The following CNTNAP5 variants were observed in gnomAD, a reference collection of about 807,000 sequenced individuals.
CNTNAP5 encodes the protein contactin-associated protein-like 5.
Under a neutral mutation model 150.2 loss-of-function variants are expected in CNTNAP5, and 72 were observed. The observed-to-expected ratio is 0.48, with a 90% CI of 0.40 to 0.58. The LOEUF (loss-of-function observed/expected upper bound fraction) is 0.58. Among genes scored for constraint, CNTNAP5 ranks in the 20% least tolerant of loss-of-function variants. The pLI, the probability that CNTNAP5 is intolerant of heterozygous loss-of-function variation, is 0.00. For synonymous variants in CNTNAP5, 672 were observed against 619.8 expected (o/e 1.08, Z -1.25); for missense variants, 1,636 against 1,626.2 (o/e 1.01, Z -0.10).
At chr2:124,634,629 C>G (rs899418786) in intron 12 of CNTNAP5, among the ~76,000 whole-genome samples, 2 of 152,108 alleles carry the variant, frequency 1.3e-5, no homozygotes, top group Admixed American at 1.3e-4. Context: ...TGCCTCAGCC[C>G]CCCAAGTAGC....
In CNTNAP5 at chr2:124,919,252, T is replaced by A. The variant is rs985508971; in HGVS notation, c.*4964T>A. ...ATTCCTCTTTTATGTTGACAATTAT[T>A]TGAATCCTTCATATAAGGTTTTAAT... On this transcript the variant is annotated 3_prime_UTR_variant, in exon 24 of 24. Coordinates refer to ENST00000682447, the MANE Select transcript of CNTNAP5 (RefSeq NM_001367498.1). Among the ~76,000 whole-genome samples, 6 of 152,136 alleles carry A rather than the reference T, an allele frequency of 3.9e-5. No homozygotes were observed. The highest frequency in any genetic ancestry group is 7.4e-5 in the Non-Finnish European group (5 of 68,014).
chr2:124,309,906 C>T (rs181207901), intron 3 of CNTNAP5, among the ~76,000 whole-genome samples: 1 of 152,280 alleles, frequency 6.6e-6, no homozygotes, highest in Non-Finnish European at 1.5e-5. Flanking sequence ...AAGGGCATAA[C>T]AGGAACAGTG....
intron 1 of CNTNAP5, among the ~76,000 whole-genome samples, chr2:124,119,621 A>G (rs1258894955): frequency 2.0e-5 from 3 of 152,154 alleles, no homozygotes; most frequent in African/African-American, 7.2e-5. Context: ...TTGAGATAGA[A>G]TAGGGGCCGG....
chr2:124,749,377 C>CCCTTCCTT (rs201144835), intron 14 of CNTNAP5, among the ~76,000 whole-genome samples: 21 of 147,424 alleles, frequency 1.4e-4, no homozygotes, highest in African/African-American at 4.8e-4. Flanking sequence ...TTCCCTCTCT[C>CCCTTCCTT]CCTTCCTTCC....
At chr2:124,656,106 C>T (rs1400338354) in intron 13 of CNTNAP5, among the ~76,000 whole-genome samples, 4 of 150,898 alleles carry the variant, frequency 2.7e-5, no homozygotes, top group African/African-American at 4.9e-5. Context: ...GCCCACATTC[C>T]AGGGGAGGGA....
chr2:124,354,987 A>T (rs1689960851), intron 3 of CNTNAP5, among the ~76,000 whole-genome samples: 1 of 151,894 alleles, frequency 6.6e-6, no homozygotes, highest in Admixed American at 6.6e-5. Flanking sequence ...CTTCTGTAGA[A>T]ATAGCTATTC....
chr2:124,369,654 A>G (rs1690468131), intron 3 of CNTNAP5, among the ~76,000 whole-genome samples: 1 of 152,212 alleles, frequency 6.6e-6, no homozygotes. Context: ...AACCTTATAA[A>G]GTGTTCTTAA....
chr2:124,280,567 T>C (rs1236382129), intron 3 of CNTNAP5, among the ~76,000 whole-genome samples: 5 of 152,198 alleles, frequency 3.3e-5, no homozygotes, highest in Non-Finnish European at 7.4e-5. Context: ...TTGGTGACAA[T>C]GGCGAGTGAT....
At chr2:124,177,216 T>A (rs1685088626) in intron 1 of CNTNAP5, among the ~76,000 whole-genome samples, 1 of 151,916 alleles carries the variant, frequency 6.6e-6, no homozygotes, top group African/African-American at 2.4e-5. Flanking sequence ...TATTTTTAGG[T>A]TTTATGGTTG....
At chr2:124,883,094 T>C (rs1200803115) in intron 21 of CNTNAP5, among the ~76,000 whole-genome samples, 2 of 148,616 alleles carry the variant, frequency 1.3e-5, no homozygotes, top group African/African-American at 2.5e-5. Context: ...TTTTTGAGAC[T>C]ATCTCCTTCT....
At chr2:124,512,147 G>T (rs978510084) in intron 8 of CNTNAP5, among the ~76,000 whole-genome samples, 1 of 151,740 alleles carries the variant, frequency 6.6e-6, no homozygotes, top group African/African-American at 2.4e-5. Context: ...TATAGCTAAC[G>T]GTTGGTATAT....
intron 13 of CNTNAP5, among the ~76,000 whole-genome samples, chr2:124,682,887 A>G (rs192461371): frequency 2.0e-5 from 3 of 152,194 alleles, no homozygotes; most frequent in Non-Finnish European, 4.4e-5. Flanking sequence ...GGATACAAGC[A>G]ATCTAGGAAC....
chr2:124,129,070 TA>T (rs1683785254), intron 1 of CNTNAP5, among the ~76,000 whole-genome samples: 1 of 147,898 alleles, frequency 6.8e-6, no homozygotes. Context: ...TAAAAATAAA[TA>T]AATAAATAAA....
rs146936003 is a variant in CNTNAP5 at position 124,550,680 on chromosome 2, A to G, written c.1650-12537A>G. 2.1e-3 allele frequency among the ~76,000 whole-genome samples: 323 copies of G among 152,290 alleles called. 1 individual carries two copies. Among genetic ancestry groups the G allele is most frequent in the African/African-American group, 7.2e-3 (300 of 41,570 alleles). ...CATTAAATCTACAGCCCCTCTGTCA[A>G]TTGCGTGGTGGACTTCCATTCTGAT... On this transcript the variant is annotated intron_variant, in intron 10 of 23. Transcript: ENST00000682447.
At chr2:124,660,481 C>T (rs1573530298) in intron 13 of CNTNAP5, among the ~76,000 whole-genome samples, 2 of 151,874 alleles carry the variant, frequency 1.3e-5, no homozygotes, top group East Asian at 3.9e-4. Flanking sequence ...TCTAATAGCC[C>T]CATGTTAAAT....
intron 16 of CNTNAP5, among the ~76,000 whole-genome samples, chr2:124,768,752 A>T (rs1187741793): frequency 6.6e-6 from 1 of 152,122 alleles, no homozygotes; most frequent in Non-Finnish European, 1.5e-5. Flanking sequence ...GCTTTGCACC[A>T]GTCCACAGGA....
chr2:124,848,205 C>T (rs193119892), intron 19 of CNTNAP5, among the ~76,000 whole-genome samples: 77 of 152,222 alleles, frequency 5.1e-4, no homozygotes, highest in Middle Eastern at 3.4e-3. Flanking sequence ...CCCTGGAAAC[C>T]GCTATTCTAC....
intron 19 of CNTNAP5, among the ~76,000 whole-genome samples, chr2:124,830,207 T>C (rs556219721): frequency 6.6e-6 from 1 of 152,054 alleles, no homozygotes; most frequent in African/African-American, 2.4e-5. Flanking sequence ...CTGCAAAAGA[T>C]GTCAAAATGT....
chr2:124,614,625 C>G (rs903487689), intron 12 of CNTNAP5, among the ~76,000 whole-genome samples: 2 of 151,942 alleles, frequency 1.3e-5, no homozygotes, highest in African/African-American at 4.8e-5. Context: ...ATGGCTCTGG[C>G]GGGAGTGTCT....
Sources: gnomAD v4.1 joint callset for allele counts (sites outside exome capture counted in the v4.1 genomes callset) on GRCh38, gnomAD v4.1.1 for gene constraint, MANE v1.5 for transcripts, NCBI Gene and HGNC (gene_info 2026-07-23, HGNC 2026-07-21) for gene names.